Variants in SHB observed in about 807,000 individuals in gnomAD.
The protein encoded by SHB is SH2 domain-containing adapter protein B.
SHB carries 20 observed loss-of-function variants against 52.3 expected under a neutral mutation model. That is an observed-to-expected ratio of 0.38 (90% CI 0.27 to 0.56). The LOEUF is 0.56. SHB is among the 20% of genes least tolerant of loss of function. SHB has a pLI of 0.71. For missense variants in SHB, 825 were observed against 723.3 expected, an observed-to-expected ratio of 1.14 and a Z score of -1.61; for synonymous variants, 397 against 316.5, an observed-to-expected ratio of 1.25 and a Z score of -2.70.
At position 37,948,678 on chromosome 9, in the gene SHB, G is replaced by A. The variant is rs767554284; in HGVS notation, c.1303C>T (p.Arg435Trp). The part of the protein sequence containing the change: ...RLCKECSYLV[R>W]NSQTSKHDYS... ...TCATGCTTGCTGGTCTGGCTGTTCCGGACAAGGTAGCTACACTCCTTGCAG... is the reference window on the plus strand; with the variant it reads ...TCATGCTTGCTGGTCTGGCTGTTCCAGACAAGGTAGCTACACTCCTTGCAG... The change falls in exon 5 of 6, where the codon CGG becomes TGG. Residue 435 changes from arginine to tryptophan, a missense_variant. Coordinates refer to ENST00000377707, the MANE Select transcript of SHB (RefSeq NM_003028.3). 9.3e-6 allele frequency: 15 copies of A among 1,613,784 alleles called. No individual in the cohort carries two copies. Among genetic ancestry groups the A allele is most frequent in the East Asian group, 2.2e-5 (1 of 44,876 alleles).
intron 1 of SHB, among the ~76,000 whole-genome samples, chr9:38,026,244 C>A (rs1412357107): frequency 1.3e-5 from 2 of 152,244 alleles, no homozygotes; most frequent in Non-Finnish European, 2.9e-5. Flanking sequence ...CCAGCCAAGG[C>A]CCGGGAGTCA....
chr9:38,064,461 C>G (rs986925060), intron 1 of SHB, among the ~76,000 whole-genome samples: 5 of 152,192 alleles, frequency 3.3e-5, no homozygotes, highest in Non-Finnish European at 7.3e-5. Flanking sequence ...ACACACACGT[C>G]TATGTTCACA....
chr9:37,974,509 C>T lies in SHB; in HGVS notation c.1054+113G>A, dbSNP rs185078580. 4.2e-4 allele frequency: 371 copies of T among 879,896 alleles called. No homozygotes were observed. In the African/African-American group the frequency reaches 5.6e-3, roughly 13 times the overall value. The allele number at this position is 879,896 out of a possible 1,614,324, so 54.5% of individuals were successfully genotyped here. ...GTGAGGGTACTGAGAAAAAAGACCA[C>T]CCAACTGGATTATTAAACAACCCTG... On this transcript the variant is annotated intron_variant, in intron 3 of 5. Transcript: ENST00000377707.
chr9:38,030,407 T>C (rs1277928992), intron 1 of SHB, among the ~76,000 whole-genome samples: 2 of 152,240 alleles, frequency 1.3e-5, no homozygotes, highest in African/African-American at 4.8e-5. Flanking sequence ...TCCCACTTGC[T>C]GCTTTCTCTA....
At chr9:37,952,381 A>G (rs1258417119) in intron 4 of SHB, among the ~76,000 whole-genome samples, 1 of 152,276 alleles carries the variant, frequency 6.6e-6, no homozygotes, top group East Asian at 1.9e-4. Context: ...GTCCTGAGGT[A>G]GGAATGCGCT....
chr9:37,939,934 C>T (rs981720038), intron 5 of SHB, among the ~76,000 whole-genome samples: 2 of 152,204 alleles, frequency 1.3e-5, no homozygotes, highest in Admixed American at 6.5e-5. Context: ...TCACATGTTA[C>T]AGCAGCCCAG....
chr9:38,011,043 C>A (rs1212111304), intron 2 of SHB, among the ~76,000 whole-genome samples: 2 of 152,244 alleles, frequency 1.3e-5, no homozygotes, highest in African/African-American at 2.4e-5. Context: ...TACCATGACA[C>A]CACGGCTCTC....
intron 2 of SHB, among the ~76,000 whole-genome samples, chr9:38,002,427 C>A (rs187575828): frequency 6.6e-6 from 1 of 152,294 alleles, no homozygotes; most frequent in Non-Finnish European, 1.5e-5. Flanking sequence ...GAACCCTGAC[C>A]GACCTGGACA....
intron 3 of SHB, among the ~76,000 whole-genome samples, chr9:37,960,814 A>G (rs1832685311): frequency 6.6e-6 from 1 of 152,112 alleles, no homozygotes; most frequent in South Asian, 2.1e-4. Flanking sequence ...CCACGTGGGT[A>G]ATGGGTGAGG....
rs1184102629 is a variant in SHB at position 37,918,845 on chromosome 9, G to A, written c.*976C>T. ...GTCCCACTGCAGGAGGGAAAGACTG[G>A]TTTTTTGGTCAACACTGGAGGCTCC... is the stretch of plus-strand genomic sequence containing the variant. On this transcript the variant is annotated 3_prime_UTR_variant, in exon 6 of 6. Coordinates refer to ENST00000377707, the MANE Select transcript of SHB (RefSeq NM_003028.3). 6.8e-6 allele frequency among the ~76,000 whole-genome samples: 1 copy of A among 146,090 alleles called. No homozygotes were observed. Among genetic ancestry groups the A allele is most frequent in the Non-Finnish European group, 1.5e-5 (1 of 67,966 alleles).
intron 3 of SHB, among the ~76,000 whole-genome samples, chr9:37,974,075 T>C (rs537935515): frequency 6.6e-6 from 1 of 152,152 alleles, no homozygotes; most frequent in Non-Finnish European, 1.5e-5. Flanking sequence ...GCCAACATAG[T>C]GAAACCCCGT....
chr9:38,050,056 G>A (rs1325720389), intron 1 of SHB, among the ~76,000 whole-genome samples: 1 of 152,224 alleles, frequency 6.6e-6, no homozygotes, highest in African/African-American at 2.4e-5. Flanking sequence ...CTCCCAAAGT[G>A]CTGGGATTAC....
chr9:38,046,183 G>A (rs1679081422), intron 1 of SHB, among the ~76,000 whole-genome samples: 1 of 150,472 alleles, frequency 6.6e-6, no homozygotes, highest in East Asian at 1.9e-4. Context: ...GCCGAGATAA[G>A]AAAAAAAAAG....
chr9:37,972,013 A>G (rs1200488423), intron 3 of SHB, among the ~76,000 whole-genome samples: 1 of 152,126 alleles, frequency 6.6e-6, no homozygotes, highest in Non-Finnish European at 1.5e-5. Context: ...TCTAACCAGC[A>G]CTGGGTGAGG....
intron 1 of SHB, among the ~76,000 whole-genome samples, chr9:38,026,489 C>CT (rs1821345769): frequency 6.6e-6 from 1 of 152,252 alleles, no homozygotes; most frequent in Admixed American, 6.5e-5. Context: ...GGCCAGGCCC[C>CT]TTTAAGGCAC....
At chr9:38,041,903 T>C (rs1037777199) in intron 1 of SHB, among the ~76,000 whole-genome samples, 12 of 152,220 alleles carry the variant, frequency 7.9e-5, no homozygotes, top group African/African-American at 2.7e-4. Flanking sequence ...TGGGCCTTAG[T>C]GGAAACAACC....
intron 3 of SHB, among the ~76,000 whole-genome samples, chr9:37,966,379 C>T (rs1820521922): frequency 6.6e-6 from 1 of 152,132 alleles, no homozygotes; most frequent in Non-Finnish European, 1.5e-5. Flanking sequence ...AGCTATTAAA[C>T]ATTGGTGTTT....
At chr9:37,980,518 T>C (rs920962460) in intron 2 of SHB, among the ~76,000 whole-genome samples, 1 of 152,238 alleles carries the variant, frequency 6.6e-6, no homozygotes, top group African/African-American at 2.4e-5. Context: ...ACTGAAGTCT[T>C]GAAGGCCTCA....
chr9:37,987,261 C>A (rs148253229), intron 2 of SHB, among the ~76,000 whole-genome samples: 1 of 152,200 alleles, frequency 6.6e-6, no homozygotes, highest in Non-Finnish European at 1.5e-5. Flanking sequence ...AGGAACACTG[C>A]GTGCTGGAGT....
Sources: gnomAD v4.1 joint callset for allele counts (sites outside exome capture counted in the v4.1 genomes callset) on GRCh38, gnomAD v4.1.1 for gene constraint, MANE v1.5 for transcripts, NCBI Gene and HGNC (gene_info 2026-07-23, HGNC 2026-07-21) for gene names.